ZNF512B: variants seen among roughly 807,000 people sequenced by gnomAD.
The protein encoded by ZNF512B is zinc finger protein 512B.
Under a neutral mutation model 87.8 loss-of-function variants are expected in ZNF512B, and 22 were observed. The observed-to-expected ratio is 0.25, with a 90% CI of 0.18 to 0.36. The LOEUF (loss-of-function observed/expected upper bound fraction) is 0.36. Ranked by LOEUF, ZNF512B falls within the 10% of genes least tolerant of loss-of-function variation. The probability of loss-of-function intolerance (pLI) is 1.00; values close to 1 mark genes in which losing one functional copy is unlikely to be tolerated. For missense variants in ZNF512B, 1,060 were observed against 1,231.6 expected, an observed-to-expected ratio of 0.86 and a Z score of 2.09; for synonymous variants, 524 against 490.9, an observed-to-expected ratio of 1.07 and a Z score of -0.89.
chr20:63,961,545 G>A lies in ZNF512B; in HGVS notation c.2329-138C>T, dbSNP rs952558848. 1.3e-3 allele frequency: 1,014 copies of A among 799,312 alleles called. 6 individuals carry two copies. The highest frequency in any genetic ancestry group is 1.4e-3 in the Non-Finnish European group (675 of 487,216). 49.5% of individuals were successfully genotyped at this position (799,312 alleles called of 1,614,324 possible). On this transcript the variant is annotated intron_variant, in intron 15 of 16. Transcript: ENST00000369888. The surrounding 1 kb of genome is among the most constrained non-coding windows in gnomAD (Gnocchi z 6.4). ...CTGTCTGTGCCAGACAATGCAGGGG[G>A]CCACTGAGTTACCAGGGCGGCAGGG... is the stretch of plus-strand genomic sequence containing the variant.
rs763733154 is a variant in ZNF512B at position 63,966,281 on chromosome 20, C to A, written c.894G>T (p.Arg298Ser). ...VPVTKPVTVS[R>S]PIVVSKPVTV... ...TCACCGGCTTGCTGACCACAATGGG[C>A]CTGCTGACTGTCACTGGCTTGGTGA... Residue 298 changes from arginine (R) to serine (S), a missense_variant, in exon 5 of 17, where the codon AGG (arginine) becomes AGT (serine). Transcript: ENST00000369888. The A allele has an allele frequency of 1.9e-6, 3 of 1,612,730 alleles. No individual in the cohort carries two copies. The highest frequency in any genetic ancestry group is 2.5e-6 in the Non-Finnish European group (3 of 1,179,274).
At position 63,958,603 on chromosome 20, in the gene ZNF512B, G is replaced by C. The variant is rs1435416887; in HGVS notation, c.*1285C>G. ...CCTCCCTGCAATGCCGTGGTTGGAAGGCAGGACCCCAGGGAGGGAGCCACA... is the reference window on the plus strand; with the variant it reads ...CCTCCCTGCAATGCCGTGGTTGGAACGCAGGACCCCAGGGAGGGAGCCACA... On this transcript the variant is annotated 3_prime_UTR_variant, in exon 17 of 17. Transcript: ENST00000369888. The C allele has an allele frequency of 6.6e-6, 1 of 151,204 alleles. No individual in the cohort carries two copies. Among genetic ancestry groups the C allele is most frequent in the Non-Finnish European group, 1.5e-5 (1 of 67,910 alleles). The allele number at this position is 151,204 out of a possible 1,614,324, so 9.4% of individuals were successfully genotyped here.
intron 2 of ZNF512B, 50 bp downstream of exon 2, chr20:63,967,780 C>T: frequency 6.3e-7 from 1 of 1,587,290 alleles, no homozygotes; most frequent in Non-Finnish European, 8.6e-7. Flanking sequence ...ACTCCTACCA[C>T]TTGCTGCCCA....
At chr20:63,969,595 G>C (rs868004469) in intron 1 of ZNF512B, among the ~76,000 whole-genome samples, 5 of 147,560 alleles carry the variant, frequency 3.4e-5, no homozygotes, top group East Asian at 3.9e-4. Flanking sequence ...GGCGCGGGGT[G>C]GGGGGGCGAA....
In ZNF512B at chr20:63,956,714, T is replaced by C. The variant is rs570741210; in HGVS notation, c.*3174A>G. 6 of 197,742 alleles carry C rather than the reference T, an allele frequency of 3.0e-5. No homozygotes were observed. Among genetic ancestry groups the C allele is most frequent in the Non-Finnish European group, 6.1e-5 (6 of 97,924 alleles). 12.2% of individuals were successfully genotyped at this position (197,742 alleles called of 1,614,324 possible). On this transcript the variant is annotated 3_prime_UTR_variant, in exon 17 of 17. Transcript: ENST00000369888. The stretch of plus-strand genomic sequence containing the variant: ...GCCGCACAAAAACCCTGGAAAAAAA[T>C]CAATAAACATTTATTTGATACAGTC...
In ZNF512B at chr20:63,961,513, G is replaced by A; in HGVS notation, c.2329-106C>T. On this transcript the variant is annotated intron_variant, in intron 15 of 16. Transcript: ENST00000369888. The surrounding 1 kb of genome is among the most constrained non-coding windows in gnomAD (Gnocchi z 6.4). ...CAGAGTCAGCGGTGGCCCAAGGAAA[G>A]CTGTGGCTGTCTGTGCCAGACAATG... The A allele has an allele frequency of 2.8e-6, 3 of 1,088,082 alleles. No individual in the cohort carries two copies. Among genetic ancestry groups the A allele is most frequent in the Non-Finnish European group, 4.1e-6 (3 of 731,682 alleles). The allele number at this position is 1,088,082 out of a possible 1,614,324, so 67.4% of individuals were successfully genotyped here.
Position 63,963,214 on chromosome 20 carries a change from G to A in ZNF512B, c.1849C>T (p.Arg617Cys), listed in dbSNP as rs946248668. Residue 617 changes from arginine (R) to cysteine (C), a missense_variant, in exon 12 of 17, where the codon CGC becomes TGC. This residue lies in a region of ZNF512B where 165 missense variants were observed against 173.0 expected (regional missense o/e 0.95). Coordinates refer to ENST00000369888, the MANE Select transcript of ZNF512B (RefSeq NM_020713.3). ...ACCTCGCAGGGCGGCTTCCCGCAGCGCCGCTGGTGGTACTGGTAGCCCATG... is the reference window on the plus strand; with the variant it reads ...ACCTCGCAGGGCGGCTTCCCGCAGCACCGCTGGTGGTACTGGTAGCCCATG... ...SLMGYQYHQR[R>C]CGKPPCEVDS... 19 of 1,546,750 alleles carry A rather than the reference G, an allele frequency of 1.2e-5. No individual in the cohort carries two copies. Among genetic ancestry groups the A allele is most frequent in the African/African-American group, 5.5e-5 (4 of 73,350 alleles).
In ZNF512B at chr20:63,963,926, C is replaced by G; in HGVS notation, c.1481-13G>C. On this transcript the variant is annotated splice_polypyrimidine_tract_variant and intron_variant, in intron 8 of 16. Transcript: ENST00000369888. ...TCTTCAGGGCCACCTGTGGGTAAGG[C>G]AGGGGCCTCGAAGGCTTGTGGGGGC... 6.2e-7 allele frequency: 1 copy of G among 1,607,896 alleles called. No homozygotes were observed. Among genetic ancestry groups the G allele is most frequent in the African/African-American group, 1.3e-5 (1 of 75,066 alleles).
At chr20:63,962,510 T>A in intron 13 of ZNF512B, 77 bp downstream of exon 13, 1 of 1,556,762 alleles carries the variant, frequency 6.4e-7, no homozygotes, top group Non-Finnish European at 8.7e-7. Context: ...CAGCAGTGGC[T>A]GTCCCAAGTC....
intron 1 of ZNF512B, 140 bp from the exon 2 acceptor site, chr20:63,968,092 G>C: frequency 8.8e-7 from 1 of 1,134,924 alleles, no homozygotes; most frequent in Non-Finnish European, 1.2e-6. Context: ...TTGTTCACGT[G>C]GGAAAAGCAA....
chr20:63,963,349 G>T lies in ZNF512B; in HGVS notation c.1790C>A (p.Pro597His). 6.5e-7 allele frequency: 1 copy of T among 1,541,982 alleles called. No homozygotes were observed. The highest frequency in any genetic ancestry group is 1.2e-5 in the South Asian group (1 of 84,266). ...CCGCGGCCCCCCACTGACCTCCTGG[G>T]GGCAGCGCAGCCGTCCCATCTGCTT... Reference protein sequence around the residue: ...VLKQMGRLRCPQEGCGAAFSS... With the variant: ...VLKQMGRLRCHQEGCGAAFSS... Residue 597 changes from proline to histidine, a missense_variant, in exon 11 of 17, where the codon CCC (proline) becomes CAC (histidine). Physicochemically the swap from Pro to His is moderately conservative, Grantham distance 77. Transcript: ENST00000369888.
At position 63,962,132 on chromosome 20, in the gene ZNF512B, G is replaced by A. The variant is rs2058859473; in HGVS notation, c.2266-128C>T. The A allele has an allele frequency of 5.4e-6, 7 of 1,285,486 alleles. No homozygotes were observed. In the South Asian group the frequency reaches 8.0e-5, roughly 15 times the overall value. The allele number at this position is 1,285,486 out of a possible 1,614,324, so 79.6% of individuals were successfully genotyped here. A position where few individuals can be genotyped will look rare whatever the true frequency, so the allele number is the denominator to read the frequency against. On this transcript the variant is annotated intron_variant, in intron 14 of 16. Transcript: ENST00000369888. ...TGAGGGGGTGTGAGTCCTGGGGACT[G>A]GGCAGGCTGGGCATGTGAGGCCTGG...
At chr20:63,967,673 G>C in intron 2 of ZNF512B, 150 bp from the exon 3 acceptor site, 13 of 1,480,378 alleles carry the variant, frequency 8.8e-6, no homozygotes, top group Non-Finnish European at 1.1e-5. Context: ...CCAGGACCCT[G>C]GGCTATGTCC....
Position 63,961,148 on chromosome 20 carries a change from C to T in ZNF512B, c.2427+161G>A, listed in dbSNP as rs1246994130. Among the ~76,000 whole-genome samples, 1 of 152,190 alleles carries T rather than the reference C, an allele frequency of 6.6e-6. No individual in the cohort carries two copies. The highest frequency in any genetic ancestry group is 6.5e-5 in the Admixed American group (1 of 15,290). On this transcript the variant is annotated intron_variant, in intron 16 of 16. Coordinates refer to ENST00000369888, the MANE Select transcript of ZNF512B (RefSeq NM_020713.3). The surrounding 1 kb of genome is among the most constrained non-coding windows in gnomAD (Gnocchi z 6.4). ...CCAGTTCTCCCAGGGAAGCCAGACC[C>T]CACTTTGAGGAGAAACTACCAGATT...
intron 12 of ZNF512B, 83 bp from the exon 13 acceptor site, chr20:63,962,864 C>T (rs772016170): frequency 2.9e-6 from 4 of 1,395,626 alleles, no homozygotes; most frequent in South Asian, 2.8e-5. Flanking sequence ...ACCCTAAGGC[C>T]GGTGGACCCA....
In ZNF512B at chr20:63,962,374, G is replaced by A; in HGVS notation, c.2164C>T (p.Leu722Phe). 1 of 1,611,046 alleles carries A rather than the reference G, an allele frequency of 6.2e-7. No individual in the cohort carries two copies. The highest frequency in any genetic ancestry group is 8.5e-7 in the Non-Finnish European group (1 of 1,179,326). The change falls in exon 14 of 17, where the codon CTC (leucine) becomes TTC (phenylalanine). Residue 722 changes from leucine to phenylalanine, a missense_variant and splice_region_variant. Physicochemically the swap from Leu to Phe is conservative, Grantham distance 22. Transcript: ENST00000369888. The part of the protein sequence containing the change: ...KDDLVPETAR[L>F]NYTRPGLPTL... ...GGGAGCCCTGGTCGAGTGTAGTTGA[G>A]CTGTGAATTCGACAGCACCAGGGTG...
In ZNF512B at chr20:63,967,523, C is replaced by G; in HGVS notation, c.122G>C (p.Gly41Ala). The G allele has an allele frequency of 1.3e-6, 2 of 1,598,100 alleles. No individual in the cohort carries two copies. Among genetic ancestry groups the G allele is most frequent in the Non-Finnish European group, 1.7e-6 (2 of 1,171,182 alleles). ...LPMLHDPPKM[G>A]MPVVRGGQTV... ...CTGTCCACCACGGACCACCGGCATCCCTGCAGCACACAACACAGCAAGGCT... is the reference window on the plus strand; with the variant it reads ...CTGTCCACCACGGACCACCGGCATCGCTGCAGCACACAACACAGCAAGGCT... The change falls in exon 3 of 17, where the codon GGG becomes GCG. Residue 41 changes from glycine (G) to alanine (A), a missense_variant and splice_region_variant. Coordinates refer to ENST00000369888, the MANE Select transcript of ZNF512B (RefSeq NM_020713.3).
At chr20:63,964,240 G>C in intron 7 of ZNF512B, 23 bp from the exon 8 acceptor site, 4 of 1,608,494 alleles carry the variant, frequency 2.5e-6, no homozygotes, top group East Asian at 2.2e-5. Context: ...ATGGGGTGGA[G>C]AGAAACAGGG....
intron 1 of ZNF512B, among the ~76,000 whole-genome samples, chr20:63,968,765 C>G (rs1047321263): frequency 2.6e-5 from 4 of 152,246 alleles, no homozygotes; most frequent in Non-Finnish European, 4.4e-5. Context: ...CCAAACAAGT[C>G]GTGGAAGCAC....
Sources: gnomAD v4.1 joint callset for allele counts (sites outside exome capture counted in the v4.1 genomes callset) on GRCh38, gnomAD v4.1.1 for gene constraint, gnomAD v4.1.1 regional missense constraint, Gnocchi (gnomAD v3.1) non-coding constraint, MANE v1.5 for transcripts, NCBI Gene and HGNC (gene_info 2026-07-23, HGNC 2026-07-21) for gene names.